Variants in GUCY1A2 observed in about 807,000 individuals in gnomAD.
GUCY1A2 encodes guanylate cyclase soluble subunit alpha-2.
In GUCY1A2, 27 loss-of-function variants were observed where a neutral mutation model predicts 63.5. The observed-to-expected ratio is 0.43, with a 90% CI of 0.31 to 0.59. The LOEUF is 0.59. GUCY1A2 is among the 20% of genes least tolerant of loss of function. GUCY1A2 has a pLI of 0.11. For synonymous variants in GUCY1A2, 364 were observed against 343.5 expected (o/e 1.06, Z -0.66); for missense variants, 768 against 913.3 (o/e 0.84, Z 2.05).
intron 4 of GUCY1A2, among the ~76,000 whole-genome samples, chr11:106,849,044 T>C (rs545645572): frequency 5.5e-4 from 83 of 151,744 alleles, no homozygotes; most frequent in African/African-American, 1.9e-3. Flanking sequence ...TGTAAGATTG[T>C]ATAGAGTATC....
Position 106,940,113 on chromosome 11 carries a change from T to A in GUCY1A2, c.553A>T (p.Asn185Tyr). 6.2e-7 allele frequency: 1 copy of A among 1,612,784 alleles called. No individual in the cohort carries two copies. The highest frequency in any genetic ancestry group is 8.5e-7 in the Non-Finnish European group (1 of 1,178,902). ...CCTACAGCTCGAAGGACTCTCTCAT[T>A]CTCATGAAAGCATATATTAAAGAAC... ...EEFFNICFHE[N>Y]ERVLRAVGGT... Residue 185 changes from asparagine (N) to tyrosine (Y), a missense_variant, in exon 4 of 8, where the codon AAT (asparagine) becomes TAT (tyrosine). Asn to Tyr is a moderately radical substitution (Grantham distance 143). This residue lies in a region of GUCY1A2 where 496 missense variants were observed against 486.9 expected (regional missense o/e 1.02). Transcript: ENST00000526355.
chr11:106,707,302 C>T (rs1455676170), intron 7 of GUCY1A2, among the ~76,000 whole-genome samples: 3 of 151,890 alleles, frequency 2.0e-5, no homozygotes, highest in African/African-American at 2.4e-5. Context: ...CCAAATTACC[C>T]TCTAATTTGG....
At chr11:106,748,005 A>G (rs1863819827) in intron 6 of GUCY1A2, among the ~76,000 whole-genome samples, 1 of 152,240 alleles carries the variant, frequency 6.6e-6, no homozygotes, top group Non-Finnish European at 1.5e-5. Context: ...AGAAAGAGGC[A>G]GCAAAGCTCA....
intron 6 of GUCY1A2, among the ~76,000 whole-genome samples, chr11:106,742,828 A>C (rs984888027): frequency 6.6e-6 from 1 of 152,198 alleles, no homozygotes; most frequent in African/African-American, 2.4e-5. Context: ...TTTCAAATGG[A>C]TGAATTTTCA....
chr11:106,780,147 C>T (rs780458979), intron 5 of GUCY1A2, among the ~76,000 whole-genome samples: 4 of 151,920 alleles, frequency 2.6e-5, no homozygotes, highest in South Asian at 2.1e-4. Flanking sequence ...GGTGACAAAG[C>T]GAGAACGAGA....
intron 4 of GUCY1A2, among the ~76,000 whole-genome samples, chr11:106,905,071 A>G (rs1398167659): frequency 6.6e-6 from 1 of 152,132 alleles, no homozygotes; most frequent in Non-Finnish European, 1.5e-5. Flanking sequence ...CATGAATGTA[A>G]GGCACTGAGG....
chr11:106,750,797 T>A (rs926307785), intron 6 of GUCY1A2, among the ~76,000 whole-genome samples: 1 of 152,022 alleles, frequency 6.6e-6, no homozygotes, highest in Admixed American at 6.6e-5. Context: ...CGATTTCCTT[T>A]TTTTTTTCTA....
chr11:106,833,704 A>G (rs1859081109), intron 4 of GUCY1A2, among the ~76,000 whole-genome samples: 1 of 152,118 alleles, frequency 6.6e-6, no homozygotes, highest in Non-Finnish European at 1.5e-5. Flanking sequence ...GTTAACTTAT[A>G]TGAACTTAAT....
At chr11:106,849,346 ATATAT>A (rs566163434) in intron 4 of GUCY1A2, among the ~76,000 whole-genome samples, 152 of 149,412 alleles carry the variant, frequency 1.0e-3, no homozygotes, top group African/African-American at 3.4e-3. Flanking sequence ...ATTATTTTAC[ATATAT>A]TATATATGTA....
At chr11:106,699,878 T>G (rs545202831) in intron 7 of GUCY1A2, among the ~76,000 whole-genome samples, 1 of 151,790 alleles carries the variant, frequency 6.6e-6, no homozygotes, top group Non-Finnish European at 1.5e-5. Context: ...GCCTCCCAGG[T>G]TCACGCCATT....
At chr11:106,813,387 G>T (rs11211924) in intron 4 of GUCY1A2, among the ~76,000 whole-genome samples, 11 of 151,786 alleles carry the variant, frequency 7.2e-5, no homozygotes, top group African/African-American at 2.2e-4. Flanking sequence ...TGCTGGGTTG[G>T]GGGGTACATG....
At chr11:107,016,454 G>T (rs1861824748) in intron 1 of GUCY1A2, among the ~76,000 whole-genome samples, 1 of 152,236 alleles carries the variant, frequency 6.6e-6, no homozygotes, top group Admixed American at 6.5e-5. Context: ...AGAGGTAAAA[G>T]CCAAGGGTAG....
At chr11:106,972,043 C>CA (rs1403257180) in intron 3 of GUCY1A2, among the ~76,000 whole-genome samples, 1 of 152,190 alleles carries the variant, frequency 6.6e-6, no homozygotes, top group East Asian at 1.9e-4. Flanking sequence ...AAGATCTGAC[C>CA]AGTACACTTG....
At chr11:106,958,864 G>A (rs747268786) in intron 3 of GUCY1A2, among the ~76,000 whole-genome samples, 4 of 152,132 alleles carry the variant, frequency 2.6e-5, no homozygotes, top group Non-Finnish European at 5.9e-5. Context: ...TGTTTTTCTA[G>A]TATTGTATTT....
chr11:107,002,716 C>T (rs1861626290), intron 1 of GUCY1A2, among the ~76,000 whole-genome samples: 1 of 152,142 alleles, frequency 6.6e-6, no homozygotes, highest in Non-Finnish European at 1.5e-5. Flanking sequence ...CCTGATTTGA[C>T]ATCCCATAGT....
intron 5 of GUCY1A2, among the ~76,000 whole-genome samples, chr11:106,783,586 T>C (rs987143118): frequency 8.5e-5 from 13 of 152,142 alleles, no homozygotes; most frequent in East Asian, 1.9e-4. Flanking sequence ...GAAGAACCTA[T>C]AGGTGATATC....
intron 5 of GUCY1A2, among the ~76,000 whole-genome samples, chr11:106,791,062 A>G (rs970089146): frequency 1.3e-5 from 2 of 152,160 alleles, no homozygotes; most frequent in Non-Finnish European, 2.9e-5. Context: ...AACTTGCAGT[A>G]CTTGTGGCCT....
At chr11:106,825,926 G>C (rs1858963200) in intron 4 of GUCY1A2, among the ~76,000 whole-genome samples, 1 of 152,186 alleles carries the variant, frequency 6.6e-6, no homozygotes, top group East Asian at 1.9e-4. Context: ...CAACAAAAAA[G>C]GAGTAAGTCA....
intron 6 of GUCY1A2, among the ~76,000 whole-genome samples, chr11:106,728,795 C>T (rs1199279869): frequency 6.6e-6 from 1 of 152,266 alleles, no homozygotes; most frequent in Admixed American, 6.5e-5. Flanking sequence ...AGAGGAGGGA[C>T]TATCTCTATT....
Sources: allele counts gnomAD v4.1 joint callset (sites outside exome capture counted in the v4.1 genomes callset), GRCh38; gene constraint gnomAD v4.1.1; regional missense constraint gnomAD v4.1.1; transcripts MANE v1.5; gene names NCBI Gene and HGNC (gene_info 2026-07-23, HGNC 2026-07-21).